SLC3A2: variants seen among roughly 807,000 people sequenced by gnomAD.
The protein encoded by SLC3A2 is solute carrier family 3 member 2.
Under a neutral mutation model 48.5 loss-of-function variants are expected in SLC3A2, and 32 were observed. The ratio of observed to expected loss-of-function variants is 0.66; its 90% confidence interval spans 0.50 to 0.89. The LOEUF is 0.89. SLC3A2 is among the 40% of genes least tolerant of loss of function. SLC3A2 has a pLI of 0.00. For synonymous variants in SLC3A2, 277 were observed against 288.8 expected (o/e 0.96, Z 0.41); for missense variants, 587 against 680.7 (o/e 0.86, Z 1.53).
chr11:62,874,508 C>T (rs1334749298), intron 1 of SLC3A2, among the ~76,000 whole-genome samples: 1 of 152,086 alleles, frequency 6.6e-6, no homozygotes, highest in Non-Finnish European at 1.5e-5. Context: ...GACTTTGGTT[C>T]TATTTCTTTC....
chr11:62,856,972 C>T (rs1237709183), intron 1 of SLC3A2, among the ~76,000 whole-genome samples: 2 of 151,650 alleles, frequency 1.3e-5, no homozygotes, highest in Non-Finnish European at 2.9e-5. Context: ...TACAGGCATG[C>T]GCCACTGTGA....
chr11:62,884,339 C>A (rs963306867), intron 3 of SLC3A2, 118 bp from the exon 4 acceptor site: 4 of 1,107,412 alleles, frequency 3.6e-6, no homozygotes, highest in Admixed American at 3.6e-5. Flanking sequence ...AGGCAAGGCA[C>A]AGGACTCTCC....
intron 5 of SLC3A2, 69 bp from the exon 6 acceptor site, chr11:62,885,108 G>A (rs1031281548): frequency 1.6e-4 from 242 of 1,549,172 alleles, no homozygotes; most frequent in Non-Finnish European, 1.9e-4. Flanking sequence ...TGGGATTACA[G>A]GCGTGAGCCA....
In SLC3A2 at chr11:62,888,320, A is replaced by G; in HGVS notation, c.1228-11A>G. 1.9e-6 allele frequency: 3 copies of G among 1,612,284 alleles called. No homozygotes were observed. The highest frequency in any genetic ancestry group is 1.1e-5 in the South Asian group (1 of 91,034). On this transcript the variant is annotated splice_polypyrimidine_tract_variant and intron_variant, in intron 8 of 8. Coordinates refer to ENST00000338663, the MANE Select transcript of SLC3A2 (RefSeq NM_001013251.3). The stretch of plus-strand genomic sequence containing the variant: ...CCTCACACGCTTCTGCTATGTTTTT[A>G]TCATTCTTAGGGCCAGAGTGAAGAC...
upstream of SLC3A2, chr11:62,880,797 G>A (rs2085622649): frequency 2.8e-5 from 24 of 859,892 alleles, no homozygotes; most frequent in South Asian, 3.9e-4. Flanking sequence ...ACTACCCTGA[G>A]CCGCCCACGG....
intron 1 of SLC3A2, among the ~76,000 whole-genome samples, chr11:62,873,745 C>G (rs1024947946): frequency 6.6e-6 from 1 of 152,060 alleles, no homozygotes; most frequent in Non-Finnish European, 1.5e-5. Flanking sequence ...AAATTACAGG[C>G]GTGAGCCATG....
Position 62,870,725 on chromosome 11 carries a change from AT to A in SLC3A2, c.113-10279del, listed in dbSNP as rs754127613. On this transcript the variant is annotated intron_variant, in intron 1 of 9. Transcript: ENST00000377889. ...TACTTTATACATTATTATTATTATT[AT>A]TTTTTTTTTTTTTTGTAGAGTTGGG... is the stretch of plus-strand genomic sequence containing the variant. 985 of 141,726 alleles carry A rather than the reference AT, an allele frequency of 7.0e-3. 3 individuals are homozygous for A. The highest frequency in any genetic ancestry group is 9.0e-3 in the Non-Finnish European group (596 of 66,048). The allele number at this position is 141,726 out of a possible 1,614,324, so 8.8% of individuals were successfully genotyped here. A position where few individuals can be genotyped will look rare whatever the true frequency, so the allele number is the denominator to read the frequency against.
Position 62,884,666 on chromosome 11 carries a change from T to C in SLC3A2, c.794T>C (p.Ile265Thr). 1 of 1,608,374 alleles carries C rather than the reference T, an allele frequency of 6.2e-7. No homozygotes were observed. Among genetic ancestry groups the C allele is most frequent in the East Asian group, 2.2e-5 (1 of 44,764 alleles). ...ASSFLAEWQN[I>T]TKGFSEDRLL... is the part of the protein sequence containing the mutation. ...TCATTCTTGGCTGAGTGGCAAAATA[T>C]CACCAAGGGCTTCAGTGAAGACAGG... The change falls in exon 5 of 9, where the codon ATC becomes ACC. Residue 265 changes from isoleucine to threonine, a missense_variant. Around this residue, in one of 3 missense-constraint regions of SLC3A2, gnomAD observed 409 missense variants for 446.7 expected, o/e 0.92. Coordinates refer to ENST00000338663, the MANE Select transcript of SLC3A2 (RefSeq NM_001013251.3).
At position 62,881,478 on chromosome 11, in the gene SLC3A2, C is replaced by A; in HGVS notation, c.424+31C>A. On this transcript the variant is annotated intron_variant, in intron 1 of 8. Transcript: ENST00000338663. The surrounding 1 kb of genome is among the most constrained non-coding windows in gnomAD (Gnocchi z 4.0). ...TGCAGCGCGCCCCCGTCCCGGGTAC[C>A]TCCGGTTGAATCTGGTGGCTTGCAC... 1 of 1,539,822 alleles carries A rather than the reference C, an allele frequency of 6.5e-7. No individual in the cohort carries two copies. The highest frequency in any genetic ancestry group is 2.4e-5 in the East Asian group (1 of 42,042).
In SLC3A2 at chr11:62,885,315, A is replaced by G. The variant is rs762141805; in HGVS notation, c.957A>G (p.Thr319=). 1 of 1,614,184 alleles carries G rather than the reference A, an allele frequency of 6.2e-7. No homozygotes were observed. The highest frequency in any genetic ancestry group is 8.5e-7 in the Non-Finnish European group (1 of 1,180,032). The change falls in exon 6 of 9, where the codon ACA becomes ACG. Residue 319 remains threonine, a synonymous_variant. Coordinates refer to ENST00000338663, the MANE Select transcript of SLC3A2 (RefSeq NM_001013251.3). ...STGEHTKSLV[T]QYLNATGNRW... ...GGGAGCATACAAAATCCCTAGTCAC[A>G]CAGTATTTGAATGCCACTGGCAATC...
At position 62,882,065 on chromosome 11, in the gene SLC3A2, G is replaced by A. The variant is rs747648124; in HGVS notation, c.597G>A (p.Lys199=). ...GTCTCTTGCAATCGGCTAAAAAAAA[G>A]AGTGGGTATCCTGGGGTTCCCAAGG... ...FDSLLQSAKK[K]SIRVILDLTP... The change falls in exon 2 of 9, where the codon AAG becomes AAA. Residue 199 remains lysine, a splice_region_variant and synonymous_variant. Coordinates refer to ENST00000338663, the MANE Select transcript of SLC3A2 (RefSeq NM_001013251.3). The A allele has an allele frequency of 3.1e-6, 5 of 1,614,042 alleles. No individual in the cohort carries two copies. In the South Asian group the frequency reaches 3.3e-5, roughly 11 times the overall value.
Position 62,881,439 on chromosome 11 carries a change from A to G in SLC3A2, c.416A>G (p.Asn139Ser), listed in dbSNP as rs1172065846. 6.3e-7 allele frequency: 1 copy of G among 1,584,116 alleles called. No individual in the cohort carries two copies. The highest frequency in any genetic ancestry group is 8.5e-7 in the Non-Finnish European group (1 of 1,173,014). ...LQAFQGHGAG[N>S]LAGLKGRLDY... ...GCCTTCCAGGGCCACGGCGCGGGCAACCTGGCGGGTGAGTGCAGCGCGCCC... is the reference window on the plus strand; with the variant it reads ...GCCTTCCAGGGCCACGGCGCGGGCAGCCTGGCGGGTGAGTGCAGCGCGCCC... Residue 139 changes from asparagine (N) to serine (S), a missense_variant, in exon 1 of 9, where the codon AAC becomes AGC. Around this residue, in one of 3 missense-constraint regions of SLC3A2, gnomAD observed 409 missense variants for 446.7 expected, o/e 0.92. Coordinates refer to ENST00000338663, the MANE Select transcript of SLC3A2 (RefSeq NM_001013251.3). The surrounding 1 kb of genome is among the most constrained non-coding windows in gnomAD (Gnocchi z 4.0).
intron 1 of SLC3A2, among the ~76,000 whole-genome samples, chr11:62,865,071 A>G (rs1191939165): frequency 3.3e-5 from 5 of 152,098 alleles, no homozygotes; most frequent in Admixed American, 6.6e-5. Context: ...CCAGGTCTCA[A>G]TGTCAGCTCA....
At position 62,885,452 on chromosome 11, in the gene SLC3A2, T is replaced by C. The variant is rs1565256213; in HGVS notation, c.1000-13T>C. ...GTGGGTTATGGGGCTCACTGGAGTG[T>C]CTCTCCCTGTAGTTGTCTCAGGCAA... On this transcript the variant is annotated splice_polypyrimidine_tract_variant and intron_variant, in intron 6 of 8. Transcript: ENST00000338663. 6 of 1,614,024 alleles carry C rather than the reference T, an allele frequency of 3.7e-6. No individual in the cohort carries two copies. Among genetic ancestry groups the C allele is most frequent in the Non-Finnish European group, 5.1e-6 (6 of 1,180,030 alleles).
At position 62,881,727 on chromosome 11, in the gene SLC3A2, C is replaced by G; in HGVS notation, c.425-166C>G. The stretch of plus-strand genomic sequence containing the variant: ...TGCAACCGGTTTCTGAAGTAATGTG[C>G]AGGACTCCTTACATCAGCTCCTCTG... On this transcript the variant is annotated intron_variant, in intron 1 of 8. Transcript: ENST00000338663. This position sits in a 1 kb window ranked among gnomAD's most constrained non-coding sequence, Gnocchi z 4.0. The G allele has an allele frequency of 2.3e-6, 2 of 861,276 alleles. No individual in the cohort carries two copies. The highest frequency in any genetic ancestry group is 3.5e-6 in the Non-Finnish European group (2 of 571,040). 53.4% of individuals were successfully genotyped at this position (861,276 alleles called of 1,614,324 possible). A position where few individuals can be genotyped will look rare whatever the true frequency, so the allele number is the denominator to read the frequency against.
At chr11:62,879,068 T>G (rs1446301021), upstream of SLC3A2, among the ~76,000 whole-genome samples, 4 of 151,348 alleles carry the variant, frequency 2.6e-5, no homozygotes, top group Non-Finnish European at 5.9e-5. Context: ...CCACCACACC[T>G]GGCCTGTTAG....
intron 1 of SLC3A2, among the ~76,000 whole-genome samples, chr11:62,868,367 T>C (rs1001248231): frequency 1.4e-5 from 2 of 144,694 alleles, no homozygotes; most frequent in East Asian, 4.0e-4. Context: ...TTTTCATTCT[T>C]TTTTTTTTTT....
At chr11:62,872,261 C>T (rs1162550611) in intron 1 of SLC3A2, among the ~76,000 whole-genome samples, 1 of 152,154 alleles carries the variant, frequency 6.6e-6, no homozygotes, top group Non-Finnish European at 1.5e-5. Flanking sequence ...CAGTGGCTCA[C>T]GCCTCTAATG....
upstream of SLC3A2, among the ~76,000 whole-genome samples, chr11:62,878,349 C>T (rs2085591392): frequency 6.6e-6 from 1 of 152,030 alleles, no homozygotes; most frequent in African/African-American, 2.4e-5. Context: ...TGCAGTGGTG[C>T]CACCATGGCT....
Sources: allele counts gnomAD v4.1 joint callset (sites outside exome capture counted in the v4.1 genomes callset), GRCh38; gene constraint gnomAD v4.1.1; regional missense constraint gnomAD v4.1.1; non-coding constraint Gnocchi (gnomAD v3.1); transcripts MANE v1.5; gene names NCBI Gene and HGNC (gene_info 2026-07-23, HGNC 2026-07-21).